The following RIBC2 variants were observed in gnomAD, a reference collection of about 807,000 sequenced individuals.
The protein encoded by RIBC2 is RIB43A domain with coiled-coils 2.
A neutral mutation model predicts 44.3 loss-of-function variants in RIBC2; 40 were observed. The ratio of observed to expected loss-of-function variants is 0.90; its 90% CI spans 0.70 to 1.18. RIBC2 has a LOEUF of 1.18. RIBC2 is among the 50% of genes most tolerant of loss of function. The pLI is 0.00. For missense variants in RIBC2, 459 were observed against 485.5 expected, an observed-to-expected ratio of 0.95 and a Z score of 0.51; for synonymous variants, 171 against 175.0, an observed-to-expected ratio of 0.98 and a Z score of 0.18.
At chr22:45,427,242 G>A (rs1445612387) in intron 5 of RIBC2, among the ~76,000 whole-genome samples, 1 of 152,192 alleles carries the variant, frequency 6.6e-6, no homozygotes, top group Non-Finnish European at 1.5e-5. Flanking sequence ...GCAGCTCTGT[G>A]GTCATTGACT....
intron 2 of RIBC2, among the ~76,000 whole-genome samples, chr22:45,416,392 T>C (rs2087425246): frequency 6.6e-6 from 1 of 152,128 alleles, no homozygotes; most frequent in Non-Finnish European, 1.5e-5. Flanking sequence ...TTTTATGGGA[T>C]ATTGAAAAAT....
intron 4 of RIBC2, among the ~76,000 whole-genome samples, chr22:45,422,671 C>T (rs1018305596): frequency 2.0e-5 from 3 of 152,170 alleles, no homozygotes; most frequent in Non-Finnish European, 4.4e-5. Flanking sequence ...TTCTACACCT[C>T]GGTTTCTTCT....
intron 6 of RIBC2, among the ~76,000 whole-genome samples, chr22:45,431,983 A>G (rs995404098): frequency 6.6e-6 from 1 of 152,144 alleles, no homozygotes; most frequent in Non-Finnish European, 1.5e-5. Context: ...TAAAAACAAG[A>G]AAAGAATGAT....
chr22:45,414,842 G>A (rs946887562), intron 2 of RIBC2, among the ~76,000 whole-genome samples: 4 of 152,058 alleles, frequency 2.6e-5, no homozygotes, highest in African/African-American at 9.7e-5. Flanking sequence ...GATAGGAAAA[G>A]CCTTAAACAC....
At chr22:45,428,484 G>A (rs549468427) in intron 5 of RIBC2, among the ~76,000 whole-genome samples, 38 of 152,250 alleles carry the variant, frequency 2.5e-4, no homozygotes, top group African/African-American at 8.4e-4. Context: ...CCGTGTCCCT[G>A]GGCTGCAGGA....
chr22:45,425,864 C>A, intron 4 of RIBC2, 84 bp from the exon 5 acceptor site: 1 of 1,173,020 alleles, frequency 8.5e-7, no homozygotes, highest in African/African-American at 1.5e-5. Context: ...CCCTCGAGGG[C>A]CCCCAGTGAG....
intron 3 of RIBC2, among the ~76,000 whole-genome samples, chr22:45,419,987 C>T (rs896287105): frequency 4.6e-5 from 7 of 152,208 alleles, no homozygotes; most frequent in Admixed American, 3.3e-4. Flanking sequence ...GATTGTGCCA[C>T]TGCACTCCAC....
chr22:45,424,501 CT>C (rs1314989219), intron 4 of RIBC2, among the ~76,000 whole-genome samples: 2 of 152,236 alleles, frequency 1.3e-5, no homozygotes, highest in African/African-American at 4.8e-5. Context: ...TCAGAATGTG[CT>C]AACCCTTGCT....
intron 4 of RIBC2, among the ~76,000 whole-genome samples, chr22:45,424,972 T>C (rs2087521015): frequency 6.6e-6 from 1 of 151,930 alleles, no homozygotes; most frequent in Non-Finnish European, 1.5e-5. Flanking sequence ...GCCAGGCTGG[T>C]CTTGAACTCC....
intron 3 of RIBC2, among the ~76,000 whole-genome samples, chr22:45,420,061 G>T (rs1325146483): frequency 2.6e-5 from 4 of 152,246 alleles, no homozygotes; most frequent in Non-Finnish European, 4.4e-5. Flanking sequence ...GCTGCTCTTT[G>T]GGTCTCTCCC....
At chr22:45,414,208 T>C (rs1335324342) in intron 1 of RIBC2, 114 bp from the exon 2 acceptor site, 1 of 1,483,216 alleles carries the variant, frequency 6.7e-7, no homozygotes, top group Non-Finnish European at 8.9e-7. Context: ...TGAGCCAGAT[T>C]TTCTACAACT....
At chr22:45,422,436 G>A (rs776256624) in intron 4 of RIBC2, 28 bp downstream of exon 4, 43 of 1,507,594 alleles carry the variant, frequency 2.9e-5, no homozygotes, top group Middle Eastern at 3.4e-4. Flanking sequence ...CCTCGGGCTC[G>A]ACGACTGGAG....
At chr22:45,421,889 T>C (rs576472353) in intron 3 of RIBC2, among the ~76,000 whole-genome samples, 1 of 152,244 alleles carries the variant, frequency 6.6e-6, no homozygotes, top group African/African-American at 2.4e-5. Context: ...TAGAGTCCTG[T>C]CTGGTTTCTT....
intron 2 of RIBC2, among the ~76,000 whole-genome samples, chr22:45,417,372 T>C (rs920591008): frequency 6.6e-6 from 1 of 152,164 alleles, no homozygotes; most frequent in Non-Finnish European, 1.5e-5. Context: ...TTGCAATCAC[T>C]GAAAAAATTA....
chr22:45,431,075 T>A lies in RIBC2; in HGVS notation c.1070+9T>A. 1 of 1,565,806 alleles carries A rather than the reference T, an allele frequency of 6.4e-7. No homozygotes were observed. The highest frequency in any genetic ancestry group is 1.2e-5 in the South Asian group (1 of 85,208). On this transcript the variant is annotated intron_variant, in intron 6 of 6. Coordinates refer to ENST00000614167, the MANE Select transcript of RIBC2 (RefSeq NM_015653.5). ...AAGGAGCAGCATTTGCAGTGAGTGC[T>A]GGGTGGGACCAGGGCCAGGTGGGGG...
chr22:45,430,159 G>C (rs899707632), intron 5 of RIBC2, among the ~76,000 whole-genome samples: 2 of 152,194 alleles, frequency 1.3e-5, no homozygotes, highest in Non-Finnish European at 2.9e-5. Context: ...TCCCAGGATG[G>C]GGCCGCCCAG....
chr22:45,430,755 C>A, intron 5 of RIBC2, 145 bp from the exon 6 acceptor site: 1 of 1,053,750 alleles, frequency 9.5e-7, no homozygotes, highest in Non-Finnish European at 1.3e-6. Flanking sequence ...CTCTGGCTTC[C>A]TGCATGACAT....
rs532194055 is a variant in RIBC2, at chr22:45,432,351, G to T, written c.1138G>T (p.Gly380Ter). The part of the protein sequence containing the change: ...TGDYFTQFNT[G>*]SR ...AGACTATTTCACACAATTTAATACA[G>T]GAAGTCGATAATGAGGAACACACCC... The change falls in exon 7 of 7, where the codon GGA (glycine) becomes TGA (stop). Residue 380 changes from glycine (G) to a stop codon, truncating the protein, a stop_gained. Transcript: ENST00000614167. LOFTEE classifies it high-confidence loss of function. 6.3e-7 allele frequency: 1 copy of T among 1,593,720 alleles called. No homozygotes were observed. The highest frequency in any genetic ancestry group is 1.1e-5 in the South Asian group (1 of 89,866).
chr22:45,416,337 A>C (rs1299839664), intron 2 of RIBC2, among the ~76,000 whole-genome samples: 1 of 152,050 alleles, frequency 6.6e-6, no homozygotes, highest in African/African-American at 2.4e-5. Context: ...TCCCTAGCAC[A>C]TGTGAAAGGG....
Sources: gnomAD v4.1 joint callset for allele counts (sites outside exome capture counted in the v4.1 genomes callset) on GRCh38, gnomAD v4.1.1 for gene constraint, MANE v1.5 for transcripts, NCBI Gene and HGNC (gene_info 2026-07-23, HGNC 2026-07-21) for gene names.